The following SNX29 variants were observed in gnomAD, a reference collection of about 807,000 sequenced individuals.
The protein encoded by SNX29 is sorting nexin-29.
A neutral mutation model predicts 102.1 loss-of-function variants in SNX29; 78 were observed. That is an observed-to-expected ratio of 0.76 (90% CI 0.64 to 0.92). The LOEUF (loss-of-function observed/expected upper bound fraction) is 0.92, where lower values mean the gene tolerates loss of function less well. Among genes scored for constraint, SNX29 ranks in the 40% least tolerant of loss-of-function variants. The pLI, the probability that SNX29 is intolerant of heterozygous loss-of-function variation, is 0.00. For missense variants in SNX29, 1,280 were observed against 1,061.7 expected (o/e 1.21, Z -2.86); for synonymous variants, 580 against 414.5 (o/e 1.40, Z -4.85).
intron 20 of SNX29, among the ~76,000 whole-genome samples, chr16:12,559,066 C>T (rs1218273869): frequency 6.6e-6 from 1 of 152,166 alleles, no homozygotes; most frequent in East Asian, 1.9e-4. Context: ...ATGTAGAGGT[C>T]TACCGCTGTG....
chr16:12,276,354 G>A (rs768456468), intron 14 of SNX29, among the ~76,000 whole-genome samples: 3 of 152,198 alleles, frequency 2.0e-5, no homozygotes, highest in African/African-American at 4.8e-5. Flanking sequence ...AGGACTCAGG[G>A]CTTCTTTCTG....
intron 20 of SNX29, among the ~76,000 whole-genome samples, chr16:12,566,548 T>G (rs2079018426): frequency 6.6e-6 from 1 of 152,210 alleles, no homozygotes; most frequent in South Asian, 2.1e-4. Flanking sequence ...AGGAGGGGGT[T>G]GTGAGGGCAT....
chr16:12,339,369 T>TAAAAAAAAAAA (rs2081546941), intron 15 of SNX29, among the ~76,000 whole-genome samples: 1 of 17,570 alleles, frequency 5.7e-5, no homozygotes, highest in African/African-American at 3.9e-4. Flanking sequence ...AGATTCTGTC[T>TAAAAAAAAAAA]CAAAAAAAAA....
chr16:12,375,097 G>T (rs80284228), intron 16 of SNX29: 3,631 of 152,246 alleles, frequency 0.024, 69 homozygotes, highest in East Asian at 0.1. Context: ...CAGCAACAGT[G>T]CAAGTGGGAG....
intron 13 of SNX29, among the ~76,000 whole-genome samples, chr16:12,177,089 A>G (rs2076277029): frequency 6.6e-6 from 1 of 152,094 alleles, no homozygotes; most frequent in Admixed American, 6.5e-5. Flanking sequence ...CAGAGACTAG[A>G]GGTACACACC....
intron 7 of SNX29, among the ~76,000 whole-genome samples, chr16:12,050,659 C>G (rs547686848): frequency 2.0e-5 from 3 of 152,200 alleles, no homozygotes; most frequent in South Asian, 4.2e-4. Flanking sequence ...AAAGCAAAGG[C>G]AAAGCTGAGA....
intron 13 of SNX29, among the ~76,000 whole-genome samples, chr16:12,134,258 G>GTAC (rs2054577891): frequency 1.3e-5 from 2 of 152,220 alleles, no homozygotes; most frequent in African/African-American, 4.8e-5. Context: ...TATTATGGCA[G>GTAC]TGTTAGCTCT....
At chr16:12,546,883 C>G (rs890549514) in intron 20 of SNX29, among the ~76,000 whole-genome samples, 3 of 152,146 alleles carry the variant, frequency 2.0e-5, no homozygotes, top group African/African-American at 7.2e-5. Context: ...TTTGGTTTTT[C>G]CAGGGCTAGG....
At chr16:12,318,299 T>G (rs1177929789) in intron 15 of SNX29, among the ~76,000 whole-genome samples, 3 of 152,244 alleles carry the variant, frequency 2.0e-5, no homozygotes, top group African/African-American at 7.2e-5. Context: ...AGGCTGGTTT[T>G]TCTGCCCAGA....
chr16:12,177,579 G>A (rs1050358680), intron 13 of SNX29, among the ~76,000 whole-genome samples: 1 of 152,132 alleles, frequency 6.6e-6, no homozygotes, highest in East Asian at 1.9e-4. Flanking sequence ...TCAATGCCTG[G>A]TATATAATAG....
In SNX29 at chr16:12,439,718, A is replaced by G. The variant is rs534014187; in HGVS notation, c.2037+36189A>G. The stretch of plus-strand genomic sequence containing the variant: ...TTCAAGATGAGATTGGGGTGGGGAC[A>G]CAGCTAAACCATACCAGTCACATAC... On this transcript the variant is annotated intron_variant, in intron 18 of 20. Transcript: ENST00000566228. Among the ~76,000 whole-genome samples, 4 of 152,246 alleles carry G rather than the reference A, an allele frequency of 2.6e-5. 1 individual carries two copies. In the South Asian group the frequency reaches 8.3e-4, roughly 32 times the overall value.
At chr16:12,553,912 C>T (rs1567186158) in intron 20 of SNX29, among the ~76,000 whole-genome samples, 1 of 152,172 alleles carries the variant, frequency 6.6e-6, no homozygotes, top group African/African-American at 2.4e-5. Flanking sequence ...GGCATGATCT[C>T]CGCCTCCTGG....
intron 20 of SNX29, among the ~76,000 whole-genome samples, chr16:12,537,855 C>G (rs542761586): frequency 6.6e-6 from 1 of 152,066 alleles, no homozygotes; most frequent in Non-Finnish European, 1.5e-5. Context: ...CATGGTGGCT[C>G]ACGCTTATAG....
At chr16:12,197,409 A>C (rs909101597) in intron 13 of SNX29, among the ~76,000 whole-genome samples, 1 of 152,076 alleles carries the variant, frequency 6.6e-6, no homozygotes, top group African/African-American at 2.4e-5. Context: ...CATCTCTACT[A>C]AAAATAAAAA....
intron 15 of SNX29, among the ~76,000 whole-genome samples, chr16:12,322,378 C>T (rs375519493): frequency 6.6e-6 from 1 of 152,134 alleles, no homozygotes; most frequent in Non-Finnish European, 1.5e-5. Context: ...ACCTAGTGTT[C>T]ATGACAGTTC....
chr16:12,017,892 G>T (rs551976668), intron 3 of SNX29, among the ~76,000 whole-genome samples: 1 of 151,800 alleles, frequency 6.6e-6, no homozygotes, highest in Admixed American at 6.6e-5. Flanking sequence ...TTTTTTGGGT[G>T]GGGGGGCTTT....
chr16:12,564,853 G>C (rs984886352), intron 20 of SNX29, among the ~76,000 whole-genome samples: 1 of 151,646 alleles, frequency 6.6e-6, no homozygotes, highest in African/African-American at 2.4e-5. Flanking sequence ...GCTAACAAGG[G>C]CTATGAGAGA....
intron 14 of SNX29, among the ~76,000 whole-genome samples, chr16:12,221,984 A>G (rs2077491092): frequency 6.6e-6 from 1 of 152,214 alleles, no homozygotes; most frequent in South Asian, 2.1e-4. Context: ...CCTGCCTTGG[A>G]ACTGGACCTT....
At chr16:12,031,027 C>T (rs562037175) in intron 4 of SNX29, among the ~76,000 whole-genome samples, 178 of 152,210 alleles carry the variant, frequency 1.2e-3, no homozygotes, top group African/African-American at 4.2e-3. Context: ...AGTGCCGCTG[C>T]CTGTGCTTTG....
Sources: gnomAD v4.1 joint callset for allele counts (sites outside exome capture counted in the v4.1 genomes callset) on GRCh38, gnomAD v4.1.1 for gene constraint, MANE v1.5 for transcripts, NCBI Gene and HGNC (gene_info 2026-07-23, HGNC 2026-07-21) for gene names.